Variants in SYN2 observed in about 807,000 individuals in gnomAD.
The protein encoded by SYN2 is synapsin II.
Under a neutral mutation model 50.9 loss-of-function variants are expected in SYN2, and 19 were observed. That is an observed-to-expected ratio of 0.37 (90% CI 0.26 to 0.55). The LOEUF is 0.55. Ranked by LOEUF, SYN2 falls within the 20% of genes least tolerant of loss-of-function variation. SYN2 has a pLI of 0.81. For missense variants in SYN2, 587 were observed against 576.4 expected (o/e 1.02, Z -0.19); for synonymous variants, 255 against 224.9 (o/e 1.13, Z -1.20).
chr3:12,170,439 CCTT>C (rs1697913023), intron 10 of SYN2, among the ~76,000 whole-genome samples: 2 of 152,192 alleles, frequency 1.3e-5, no homozygotes, highest in African/African-American at 4.8e-5. Context: ...AGAGAAGTGG[CCTT>C]CTTCAGTTGG....
In SYN2 at chr3:12,004,472, T is replaced by G. The variant is rs1196884075; in HGVS notation, c.-80T>G. 4 of 368,932 alleles carry G rather than the reference T, an allele frequency of 1.1e-5. No homozygotes were observed. Among genetic ancestry groups the G allele is most frequent in the African/African-American group, 8.8e-5 (4 of 45,346 alleles). The allele number at this position is 368,932 out of a possible 1,614,324, so 22.9% of individuals were successfully genotyped here. A position where few individuals can be genotyped will look rare whatever the true frequency, so the allele number is the denominator to read the frequency against. On this transcript the variant is annotated 5_prime_UTR_variant, in exon 1 of 13. Transcript: ENST00000621198. ...CGCCGCCTCAGCCGCCTCAGTCGCCTCAATCTCGCCTTCCGCCCTCGCTCT... is the reference window on the plus strand; with the variant it reads ...CGCCGCCTCAGCCGCCTCAGTCGCCGCAATCTCGCCTTCCGCCCTCGCTCT...
At chr3:12,135,132 T>C (rs538213514) in intron 1 of SYN2, among the ~76,000 whole-genome samples, 28 of 152,236 alleles carry the variant, frequency 1.8e-4, no homozygotes, top group Non-Finnish European at 4.0e-4. Context: ...GCTGGAGGGA[T>C]ACCCCTGTGC....
intron 1 of SYN2, among the ~76,000 whole-genome samples, chr3:12,016,950 T>A (rs1382781649): frequency 6.6e-6 from 1 of 152,110 alleles, no homozygotes; most frequent in Non-Finnish European, 1.5e-5. Context: ...TTTCTAAAGG[T>A]TGGACTGTTT....
intron 3 of SYN2, among the ~76,000 whole-genome samples, chr3:12,144,620 A>G (rs554819317): frequency 6.6e-6 from 1 of 152,324 alleles, no homozygotes; most frequent in East Asian, 1.9e-4. Flanking sequence ...AGAGTCTAAA[A>G]GTGTTTCTTC....
chr3:12,103,741 G>A (rs1267623649), intron 1 of SYN2, among the ~76,000 whole-genome samples: 1 of 152,118 alleles, frequency 6.6e-6, no homozygotes. Context: ...AAAAGAAATA[G>A]CATGTATAAA....
chr3:12,130,400 TAA>T (rs1696770170), intron 1 of SYN2, among the ~76,000 whole-genome samples: 2 of 152,106 alleles, frequency 1.3e-5, no homozygotes, highest in Admixed American at 1.3e-4. Context: ...GCCAATGGTA[TAA>T]GTTTCAATCT....
At chr3:12,141,278 C>T (rs17671091) in intron 2 of SYN2, among the ~76,000 whole-genome samples, 6,881 of 151,652 alleles carry the variant, frequency 0.045, 226 homozygotes, top group Middle Eastern at 0.1. Flanking sequence ...AAGAGGAGGA[C>T]GTTCAGTTTC....
chr3:12,160,038 G>C (rs1378252712), intron 5 of SYN2, among the ~76,000 whole-genome samples: 1 of 74,130 alleles, frequency 1.3e-5, no homozygotes. Flanking sequence ...GTGAGACTCC[G>C]TCTCAAAAAA....
intron 1 of SYN2, among the ~76,000 whole-genome samples, chr3:12,137,036 A>G (rs1696909684): frequency 6.6e-6 from 1 of 152,150 alleles, no homozygotes; most frequent in African/African-American, 2.4e-5. Flanking sequence ...GCTTGAGCCC[A>G]GGGGTTCAAG....
intron 1 of SYN2, among the ~76,000 whole-genome samples, chr3:12,091,305 A>G (rs1334731397): frequency 6.6e-6 from 1 of 152,228 alleles, no homozygotes; most frequent in Non-Finnish European, 1.5e-5. Context: ...GCATGGAGCT[A>G]TAAGAAGATA....
intron 1 of SYN2, among the ~76,000 whole-genome samples, chr3:12,020,181 G>A (rs1240311114): frequency 6.6e-6 from 1 of 152,180 alleles, no homozygotes; most frequent in Non-Finnish European, 1.5e-5. Flanking sequence ...CCAGAGCTCA[G>A]TTCTTTTAAA....
At chr3:12,107,755 A>G (rs190226631) in intron 1 of SYN2, among the ~76,000 whole-genome samples, 1 of 151,944 alleles carries the variant, frequency 6.6e-6, no homozygotes, top group Non-Finnish European at 1.5e-5. Flanking sequence ...AAAATGCTAT[A>G]TAAGAGGAGC....
chr3:12,044,705 T>C (rs1366818278), intron 1 of SYN2, among the ~76,000 whole-genome samples: 1 of 152,192 alleles, frequency 6.6e-6, no homozygotes. Flanking sequence ...TAAGTCTACA[T>C]GTGCTGTGAA....
intron 1 of SYN2, among the ~76,000 whole-genome samples, chr3:12,108,559 A>G (rs1222427950): frequency 1.3e-5 from 2 of 152,200 alleles, no homozygotes; most frequent in Non-Finnish European, 2.9e-5. Flanking sequence ...TTCTTTGTTT[A>G]ATGAATGTCA....
At chr3:12,127,101 G>C (rs555474747) in intron 1 of SYN2, among the ~76,000 whole-genome samples, 1 of 152,154 alleles carries the variant, frequency 6.6e-6, no homozygotes, top group African/African-American at 2.4e-5. Flanking sequence ...CATAATGAAC[G>C]TCTTTTCAAA....
intron 1 of SYN2, among the ~76,000 whole-genome samples, chr3:12,021,231 C>G (rs1245970490): frequency 1.3e-5 from 2 of 152,038 alleles, no homozygotes; most frequent in African/African-American, 4.8e-5. Context: ...TTCAGGAGAC[C>G]AACTACTTGA....
At chr3:12,081,217 A>G (rs1198857413) in intron 1 of SYN2, among the ~76,000 whole-genome samples, 2 of 152,200 alleles carry the variant, frequency 1.3e-5, no homozygotes, top group Non-Finnish European at 2.9e-5. Flanking sequence ...TTATGCATGC[A>G]CTATTGCTTT....
intron 1 of SYN2, among the ~76,000 whole-genome samples, chr3:12,049,951 T>G (rs1314248211): frequency 6.6e-6 from 1 of 152,120 alleles, no homozygotes; most frequent in Non-Finnish European, 1.5e-5. Flanking sequence ...TTGTTTTGTT[T>G]GTTTTTGTTT....
intron 1 of SYN2, among the ~76,000 whole-genome samples, chr3:12,111,977 G>A (rs1457388997): frequency 6.6e-6 from 1 of 152,156 alleles, no homozygotes; most frequent in East Asian, 1.9e-4. Flanking sequence ...CAGGCTTCTG[G>A]GAAGGCAACT....
Sources: allele counts gnomAD v4.1 joint callset (sites outside exome capture counted in the v4.1 genomes callset), GRCh38; gene constraint gnomAD v4.1.1; transcripts MANE v1.5; gene names NCBI Gene and HGNC (gene_info 2026-07-23, HGNC 2026-07-21).